Variants in WWOX observed in about 807,000 individuals in gnomAD.
The protein encoded by WWOX is WW domain-containing oxidoreductase.
A neutral mutation model predicts 46.2 loss-of-function variants in WWOX; 69 were observed. That is an observed-to-expected ratio of 1.49 (90% confidence interval 1.23 to 1.82). The LOEUF is 1.82. Ranked by LOEUF, WWOX falls within the 40% of genes most tolerant of loss-of-function variation. The pLI is 0.00. For missense variants in WWOX, 919 were observed against 542.6 expected (o/e 1.69, Z -6.89); for synonymous variants, 359 against 202.6 (o/e 1.77, Z -6.56).
intron 8 of WWOX, among the ~76,000 whole-genome samples, chr16:78,926,405 G>C (rs555483276): frequency 6.6e-6 from 1 of 151,508 alleles, no homozygotes; most frequent in East Asian, 2.0e-4. Context: ...AGAAAATAAA[G>C]CCTGGCCCAT....
intron 8 of WWOX, among the ~76,000 whole-genome samples, chr16:78,517,359 A>G (rs1237540676): frequency 1.8e-5 from 2 of 112,518 alleles, no homozygotes; most frequent in Non-Finnish European, 3.3e-5. Context: ...ATATTTTGAC[A>G]TTTGAAGCAT....
chr16:78,573,275 G>T (rs968866171), intron 8 of WWOX, among the ~76,000 whole-genome samples: 4 of 152,196 alleles, frequency 2.6e-5, no homozygotes, highest in African/African-American at 7.2e-5. Flanking sequence ...AACACAGCGT[G>T]ACTCCATCTC....
intron 8 of WWOX, chr16:79,017,071 T>C (rs998854481): frequency 6.6e-6 from 1 of 152,096 alleles, no homozygotes; most frequent in Non-Finnish European, 1.5e-5. Flanking sequence ...AGGTCGGGTA[T>C]ATTATGTCCC....
chr16:78,969,349 A>C (rs1597219255), intron 8 of WWOX, among the ~76,000 whole-genome samples: 1 of 148,544 alleles, frequency 6.7e-6, no homozygotes, highest in African/African-American at 2.5e-5. Flanking sequence ...GGCCCACTGC[A>C]CCCTCCATCT....
intron 8 of WWOX, among the ~76,000 whole-genome samples, chr16:78,940,605 C>G (rs1334325715): frequency 1.3e-5 from 2 of 151,972 alleles, no homozygotes; most frequent in African/African-American, 4.8e-5. Context: ...ATGCTCTAAT[C>G]TCCACAGAAG....
chr16:78,151,850 G>A (rs7359446), intron 4 of WWOX, among the ~76,000 whole-genome samples: 225 of 152,242 alleles, frequency 1.5e-3, no homozygotes, highest in Non-Finnish European at 2.3e-3. Flanking sequence ...AACCACTTTT[G>A]TGTCTTACGT....
At chr16:78,398,786 C>G (rs542169403) in intron 6 of WWOX, among the ~76,000 whole-genome samples, 10 of 152,182 alleles carry the variant, frequency 6.6e-5, no homozygotes, top group Non-Finnish European at 1.5e-4. Context: ...GATACTAACA[C>G]CACTCTGGGT....
rs1208843748 is a variant in WWOX at position 78,365,957 on chromosome 16, C to T, written c.517-20903C>T. Among the ~76,000 whole-genome samples the T allele has an allele frequency of 2.0e-5, 3 of 152,188 alleles. 1 individual carries two copies. The South Asian group carries it at 6.2e-4, about 32-fold the overall frequency. On this transcript the variant is annotated intron_variant, in intron 5 of 8. Coordinates refer to ENST00000566780, the MANE Select transcript of WWOX (RefSeq NM_016373.4). ...TATGAACTGGACAGAAGTATTATGC[C>T]CATGTGCCAGGTGGCCAAGATGGGG...
chr16:78,880,996 T>C (rs1597099708), intron 8 of WWOX, among the ~76,000 whole-genome samples: 1 of 147,918 alleles, frequency 6.8e-6, no homozygotes, highest in East Asian at 2.0e-4. Context: ...TTTTTTCTTT[T>C]TTTTTTTTTT....
chr16:78,993,096 C>T (rs1415771984), intron 8 of WWOX, among the ~76,000 whole-genome samples: 1 of 151,850 alleles, frequency 6.6e-6, no homozygotes, highest in Non-Finnish European at 1.5e-5. Flanking sequence ...GGAAATTTAA[C>T]TTTTGTGGAA....
At chr16:78,709,553 T>C (rs2048394923) in intron 8 of WWOX, among the ~76,000 whole-genome samples, 1 of 152,156 alleles carries the variant, frequency 6.6e-6, no homozygotes, top group Admixed American at 6.5e-5. Context: ...AACATCTTCC[T>C]GAACACTTGC....
intron 8 of WWOX, among the ~76,000 whole-genome samples, chr16:78,702,526 C>T (rs1269202137): frequency 6.6e-6 from 1 of 151,764 alleles, no homozygotes; most frequent in Non-Finnish European, 1.5e-5. Context: ...TGGCTCATGT[C>T]TGTAATCCCA....
At chr16:78,329,733 G>A (rs1433171416) in intron 5 of WWOX, among the ~76,000 whole-genome samples, 1 of 151,588 alleles carries the variant, frequency 6.6e-6, no homozygotes, top group Admixed American at 6.6e-5. Flanking sequence ...ATGTTTGATG[G>A]TTTTTTCTTT....
intron 4 of WWOX, among the ~76,000 whole-genome samples, chr16:78,122,144 C>G (rs79692092): frequency 0.02 from 3,005 of 151,994 alleles, 117 homozygotes; most frequent in African/African-American, 0.069. Context: ...AAAATTTATC[C>G]TAGGTATGTA....
intron 5 of WWOX, among the ~76,000 whole-genome samples, chr16:78,171,968 A>G (rs560669175): frequency 6.6e-6 from 1 of 152,284 alleles, no homozygotes; most frequent in East Asian, 1.9e-4. Flanking sequence ...ATTTAACAGT[A>G]AAGTATTTAT....
intron 8 of WWOX, among the ~76,000 whole-genome samples, chr16:78,991,771 A>T (rs1417616894): frequency 6.6e-6 from 1 of 151,952 alleles, no homozygotes; most frequent in Non-Finnish European, 1.5e-5. Flanking sequence ...GGCTTAACAC[A>T]TTTCCGTGTT....
At chr16:79,033,330 A>C (rs865839175) in intron 8 of WWOX, among the ~76,000 whole-genome samples, 1 of 148,600 alleles carries the variant, frequency 6.7e-6, no homozygotes, top group Non-Finnish European at 1.5e-5. Context: ...AGAGTCTATT[A>C]TATATATTAC....
intron 8 of WWOX, among the ~76,000 whole-genome samples, chr16:78,955,170 G>C (rs2046139942): frequency 6.6e-6 from 1 of 152,150 alleles, no homozygotes; most frequent in Non-Finnish European, 1.5e-5. Context: ...GGGTCACCTG[G>C]AGGAGAGACT....
At chr16:79,113,293 G>GAATTCACCT (rs2049451682) in intron 8 of WWOX, among the ~76,000 whole-genome samples, 1 of 152,132 alleles carries the variant, frequency 6.6e-6, no homozygotes, top group Non-Finnish European at 1.5e-5. Flanking sequence ...GACGGGTGAA[G>GAATTCACCT]AATTCACCTG....
Sources: allele counts gnomAD v4.1 joint callset (sites outside exome capture counted in the v4.1 genomes callset), GRCh38; gene constraint gnomAD v4.1.1; transcripts MANE v1.5; gene names NCBI Gene and HGNC (gene_info 2026-07-23, HGNC 2026-07-21).